The following PLCG2 variants were observed in gnomAD, a reference collection of about 807,000 sequenced individuals.
The protein encoded by PLCG2 is 1-phosphatidylinositol 4,5-bisphosphate phosphodiesterase gamma-2.
PLCG2 carries 69 observed loss-of-function variants against 175.6 expected under a neutral mutation model. That is an observed-to-expected ratio of 0.39 (90% CI 0.32 to 0.48). The LOEUF (loss-of-function observed/expected upper bound fraction) is 0.48, where lower values mean the gene tolerates loss of function less well. PLCG2 is among the 20% of genes least tolerant of loss of function. PLCG2 has a pLI of 0.91. For synonymous variants in PLCG2, 827 were observed against 624.0 expected (o/e 1.33, Z -4.85); for missense variants, 1,798 against 1,650.9 (o/e 1.09, Z -1.54).
At chr16:81,902,368 G>A (rs7192423) in intron 14 of PLCG2, among the ~76,000 whole-genome samples, 50,440 of 152,112 alleles carry the variant, frequency 0.33, 8,574 homozygotes, top group Middle Eastern at 0.39. Flanking sequence ...GAGGCTGGAA[G>A]TTCAAGGTCA....
At chr16:81,754,755 C>G (rs1426816384) in intron 1 of PLCG2, among the ~76,000 whole-genome samples, 2 of 151,808 alleles carry the variant, frequency 1.3e-5, no homozygotes, top group African/African-American at 4.8e-5. Flanking sequence ...AAAGGGACAC[C>G]AATAACTGCT....
intron 23 of PLCG2, among the ~76,000 whole-genome samples, chr16:81,928,166 C>G (rs1206321536): frequency 6.6e-6 from 1 of 152,078 alleles, no homozygotes; most frequent in Non-Finnish European, 1.5e-5. Flanking sequence ...GGTGTTGCTT[C>G]CACAGGACAT....
At chr16:81,770,980 C>T (rs1910266703) in intron 2 of PLCG2, among the ~76,000 whole-genome samples, 1 of 151,588 alleles carries the variant, frequency 6.6e-6, no homozygotes, top group African/African-American at 2.4e-5. Context: ...ATGGTGTGAA[C>T]CCGGGAGGTG....
intron 3 of PLCG2, among the ~76,000 whole-genome samples, chr16:81,855,079 G>A (rs1346101346): frequency 6.6e-6 from 1 of 151,706 alleles, no homozygotes; most frequent in Non-Finnish European, 1.5e-5. Context: ...GTGTGGTGGT[G>A]CGCACCTGTA....
At chr16:81,951,190 A>AGGCTGCTCTCAGATCCTCCTGCCTT (rs1325231889) in intron 31 of PLCG2, among the ~76,000 whole-genome samples, 10 of 152,096 alleles carry the variant, frequency 6.6e-5, no homozygotes, top group Non-Finnish European at 1.5e-4. Flanking sequence ...TTTGCTGCCT[A>AGGCTGCTCTCAGATCCTCCTGCCTT]GGCTGCTCTC....
chr16:81,849,771 CAAA>C lies in PLCG2; in HGVS notation c.194-4649_194-4647del, dbSNP rs34130863. 5.1e-3 allele frequency among the ~76,000 whole-genome samples: 422 copies of C among 83,126 alleles called. 3 individuals carry two copies. Among genetic ancestry groups the C allele is most frequent in the Middle Eastern group, 0.024 (3 of 124 alleles). 54.5% of individuals were successfully genotyped at this position (83,126 alleles called of 152,430 possible). On this transcript the variant is annotated intron_variant, in intron 2 of 32. Transcript: ENST00000564138. ...GGGCAACAAGAGCAAAACTCTGTCTCAAAAAAAAAAAAAAAAAAAAAAAAAACC... is the reference window on the plus strand; with the variant it reads ...GGGCAACAAGAGCAAAACTCTGTCTCAAAAAAAAAAAAAAAAAAAAAAACC...
Position 81,956,757 on chromosome 16 carries a change from C to T in PLCG2, c.3633C>T (p.Asn1211=). 1 of 1,614,138 alleles carries T rather than the reference C, an allele frequency of 6.2e-7. No homozygotes were observed. The highest frequency in any genetic ancestry group is 8.5e-7 in the Non-Finnish European group (1 of 1,179,990). Residue 1211 remains asparagine (N), a synonymous_variant, in exon 32 of 33, where the codon AAC becomes AAT. Coordinates refer to ENST00000564138, the MANE Select transcript of PLCG2 (RefSeq NM_002661.5). ...RQLRRRQEEL[N]NQLFLYDTHQ... Reference sequence around the variant, plus strand: ...TGAGGAGGCGGCAAGAAGAACTGAACAACCAGCTCTTTCTGTATGACACAC... The same window carrying T: ...TGAGGAGGCGGCAAGAAGAACTGAATAACCAGCTCTTTCTGTATGACACAC...
chr16:81,919,942 C>T (rs1909994261), intron 20 of PLCG2, among the ~76,000 whole-genome samples: 1 of 152,054 alleles, frequency 6.6e-6, no homozygotes, highest in Non-Finnish European at 1.5e-5. Flanking sequence ...TAAGAGGATA[C>T]AGAGTGATGG....
upstream of PLCG2, among the ~76,000 whole-genome samples, chr16:81,776,090 TTTCTTTCTTTTTTTCC>T (rs1869580303): frequency 2.1e-5 from 1 of 46,800 alleles, no homozygotes; most frequent in South Asian, 1.3e-3. Context: ...TCTCTCTCTC[TTTCTTTCTTTTTTTCC>T]TTCTTTCTTT....
chr16:81,876,991 A>T (rs1201735573), intron 7 of PLCG2, among the ~76,000 whole-genome samples: 1 of 152,158 alleles, frequency 6.6e-6, no homozygotes, highest in African/African-American at 2.4e-5. Context: ...GTTAGGAGAA[A>T]AGTCCTTGCC....
chr16:81,949,466 A>T (rs1046097713), intron 31 of PLCG2, among the ~76,000 whole-genome samples: 3 of 152,188 alleles, frequency 2.0e-5, no homozygotes, highest in African/African-American at 7.2e-5. Context: ...AAGACTCCCA[A>T]AGTGGGTAGA....
At chr16:81,856,344 G>C (rs543434766) in intron 3 of PLCG2, among the ~76,000 whole-genome samples, 1 of 152,204 alleles carries the variant, frequency 6.6e-6, no homozygotes, top group Non-Finnish European at 1.5e-5. Flanking sequence ...GTAGGGTTAA[G>C]TAACCTCCTG....
intron 2 of PLCG2, among the ~76,000 whole-genome samples, chr16:81,805,853 G>C (rs1159339292): frequency 7.2e-6 from 1 of 139,830 alleles, no homozygotes; most frequent in African/African-American, 2.6e-5. Flanking sequence ...TCTGGGTGAA[G>C]TGAATCAAAC....
At chr16:81,803,633 T>TCCCTCCCTCCC (rs1193582710) in intron 2 of PLCG2, among the ~76,000 whole-genome samples, 9 of 88,598 alleles carry the variant, frequency 1.0e-4, no homozygotes, top group Admixed American at 2.8e-4. Flanking sequence ...TCTTTTCTTC[T>TCCCTCCCTCCC]TCCCTCCCTC....
intron 8 of PLCG2, among the ~76,000 whole-genome samples, chr16:81,881,705 C>A (rs191855624): frequency 6.6e-6 from 1 of 152,154 alleles, no homozygotes; most frequent in Non-Finnish European, 1.5e-5. Flanking sequence ...AGTGCACTGG[C>A]GCAATCTTGG....
At chr16:81,836,371 G>A (rs1004035755) in intron 2 of PLCG2, among the ~76,000 whole-genome samples, 6 of 152,178 alleles carry the variant, frequency 3.9e-5, no homozygotes, top group Non-Finnish European at 8.8e-5. Flanking sequence ...GGAGCCAAGA[G>A]GTTTTTGCTG....
intron 1 of PLCG2, among the ~76,000 whole-genome samples, chr16:81,748,722 C>T (rs529922515): frequency 1.3e-5 from 2 of 152,228 alleles, no homozygotes; most frequent in East Asian, 3.9e-4. Flanking sequence ...TCTCCTATTC[C>T]CCATTTGTAG....
At chr16:81,832,105 A>C (rs34826185) in intron 2 of PLCG2, among the ~76,000 whole-genome samples, 2 of 76,550 alleles carry the variant, frequency 2.6e-5, no homozygotes, top group Non-Finnish European at 6.3e-5. Flanking sequence ...TGATAAATGG[A>C]GGGGGGGAAT....
At chr16:81,801,534 T>C (rs1911718536) in intron 2 of PLCG2, among the ~76,000 whole-genome samples, 1 of 152,226 alleles carries the variant, frequency 6.6e-6, no homozygotes, top group Non-Finnish European at 1.5e-5. Flanking sequence ...CTGTCAATGC[T>C]GGACATTTAG....
Sources: allele counts gnomAD v4.1 joint callset (sites outside exome capture counted in the v4.1 genomes callset), GRCh38; gene constraint gnomAD v4.1.1; transcripts MANE v1.5; gene names NCBI Gene and HGNC (gene_info 2026-07-23, HGNC 2026-07-21).